The following MAMDC2 variants were observed in gnomAD, a reference collection of about 807,000 sequenced individuals.
MAMDC2 encodes the protein MAM domain-containing protein 2.
A neutral mutation model predicts 89.8 loss-of-function variants in MAMDC2; 57 were observed. That is an observed-to-expected ratio of 0.63 (90% CI 0.51 to 0.79). MAMDC2 has a LOEUF of 0.79. Among genes scored for constraint, MAMDC2 ranks in the 30% least tolerant of loss-of-function variants. MAMDC2 has a pLI of 0.00. For missense variants in MAMDC2, 800 were observed against 820.6 expected (o/e 0.97, Z 0.31); for synonymous variants, 313 against 293.4 (o/e 1.07, Z -0.68).
intron 7 of MAMDC2, among the ~76,000 whole-genome samples, chr9:70,137,476 T>C (rs1280684483): frequency 6.6e-6 from 1 of 152,166 alleles, no homozygotes; most frequent in Non-Finnish European, 1.5e-5. Flanking sequence ...ATTGCCCCAA[T>C]AACAACCTTT....
Position 70,226,873 on chromosome 9 carries a change from TTTTA to T in MAMDC2, c.*846_*849del, listed in dbSNP as rs2033646834. 6.6e-6 allele frequency: 1 copy of T among 152,148 alleles called. No homozygotes were observed. Among genetic ancestry groups the T allele is most frequent in the Non-Finnish European group, 1.5e-5 (1 of 67,954 alleles). 9.4% of individuals were successfully genotyped at this position (152,148 alleles called of 1,614,324 possible). A position where few individuals can be genotyped will look rare whatever the true frequency, so the allele number is the denominator to read the frequency against. On this transcript the variant is annotated 3_prime_UTR_variant, in exon 14 of 14. Coordinates refer to ENST00000377182, the MANE Select transcript of MAMDC2 (RefSeq NM_153267.5). ...AATTCAGGCAGATATACTAAACTGC[TTTTA>T]TTTACTTGTTTAGAAAATTGTATAT...
intron 2 of MAMDC2, among the ~76,000 whole-genome samples, chr9:70,085,208 G>A (rs903009535): frequency 3.3e-5 from 5 of 151,944 alleles, no homozygotes; most frequent in African/African-American, 9.7e-5. Flanking sequence ...TTGGGAAGAC[G>A]ATAACTCTCC....
At chr9:70,143,894 G>A (rs181685139) in intron 9 of MAMDC2, 75 bp downstream of exon 9, 2 of 1,525,624 alleles carry the variant, frequency 1.3e-6, no homozygotes, top group East Asian at 2.3e-5. Flanking sequence ...TCTAGCTACT[G>A]TCAACTGGTG....
intron 7 of MAMDC2, among the ~76,000 whole-genome samples, chr9:70,131,976 A>G (rs992634267): frequency 6.6e-6 from 1 of 152,206 alleles, no homozygotes; most frequent in African/African-American, 2.4e-5. Flanking sequence ...AGCTCTCACA[A>G]TCTACTGAAT....
intron 2 of MAMDC2, among the ~76,000 whole-genome samples, chr9:70,066,140 G>T (rs1827256526): frequency 6.6e-6 from 1 of 152,138 alleles, no homozygotes; most frequent in African/African-American, 2.4e-5. Context: ...AAGGAAGATT[G>T]GGGCAGTTCA....
At chr9:70,203,134 C>G (rs930864499) in intron 11 of MAMDC2, among the ~76,000 whole-genome samples, 2 of 150,670 alleles carry the variant, frequency 1.3e-5, no homozygotes, top group African/African-American at 4.8e-5. Context: ...TTAGTTGATG[C>G]AGTTTCTTCC....
At chr9:70,143,939 T>TGAA in intron 9 of MAMDC2, 120 bp downstream of exon 9, 1 of 1,199,696 alleles carries the variant, frequency 8.3e-7, no homozygotes, top group Non-Finnish European at 1.2e-6. Context: ...GCCTACGGCC[T>TGAA]CACCCTTACA....
At chr9:70,202,190 T>C (rs1003710692) in intron 11 of MAMDC2, among the ~76,000 whole-genome samples, 2 of 151,048 alleles carry the variant, frequency 1.3e-5, no homozygotes, top group African/African-American at 4.9e-5. Flanking sequence ...TGTGGGCATT[T>C]AGTGCTATAA....
chr9:70,212,437 A>C (rs2033374137), intron 11 of MAMDC2, among the ~76,000 whole-genome samples: 1 of 152,192 alleles, frequency 6.6e-6, no homozygotes, highest in Non-Finnish European at 1.5e-5. Context: ...CAGGCACGGG[A>C]TATAATCTCC....
chr9:70,059,115 G>C (rs1001413631), intron 2 of MAMDC2, among the ~76,000 whole-genome samples: 1 of 152,162 alleles, frequency 6.6e-6, no homozygotes, highest in African/African-American at 2.4e-5. Flanking sequence ...TTGCCTGCTT[G>C]GGTTTTGCAA....
intron 2 of MAMDC2, among the ~76,000 whole-genome samples, chr9:70,100,543 C>T (rs960591571): frequency 2.0e-5 from 3 of 152,190 alleles, no homozygotes; most frequent in Admixed American, 6.5e-5. Context: ...AAGCTCTAAA[C>T]AAAAGACAGA....
chr9:70,079,673 C>T (rs1476479938), intron 2 of MAMDC2, among the ~76,000 whole-genome samples: 5 of 152,274 alleles, frequency 3.3e-5, no homozygotes, highest in African/African-American at 1.2e-4. Context: ...AGGAAAATGG[C>T]TACTTGTTTA....
intron 11 of MAMDC2, among the ~76,000 whole-genome samples, chr9:70,207,075 T>A (rs1368343116): frequency 4.6e-5 from 7 of 152,258 alleles, no homozygotes; most frequent in Non-Finnish European, 1.0e-4. Flanking sequence ...TTGTGAATAG[T>A]GCTGAAATAA....
intron 11 of MAMDC2, among the ~76,000 whole-genome samples, chr9:70,187,440 TTAAA>T (rs2032781938): frequency 6.6e-6 from 1 of 152,170 alleles, no homozygotes; most frequent in African/African-American, 2.4e-5. Flanking sequence ...TTGTTCATTT[TTAAA>T]TAGTTTTGAG....
chr9:70,166,324 C>CAT (rs2032176974), intron 9 of MAMDC2, among the ~76,000 whole-genome samples: 2 of 147,816 alleles, frequency 1.4e-5, no homozygotes, highest in East Asian at 4.0e-4. Flanking sequence ...TATACATACA[C>CAT]ATATATATAC....
intron 2 of MAMDC2, among the ~76,000 whole-genome samples, chr9:70,064,396 G>A (rs1587437644): frequency 6.6e-6 from 1 of 152,154 alleles, no homozygotes; most frequent in East Asian, 1.9e-4. Flanking sequence ...CCATATGAAT[G>A]AGAATATACA....
At chr9:70,053,736 A>G (rs1447923077) in intron 2 of MAMDC2, among the ~76,000 whole-genome samples, 1 of 152,202 alleles carries the variant, frequency 6.6e-6, no homozygotes, top group African/African-American at 2.4e-5. Flanking sequence ...GTGTGACTTT[A>G]TCACTGGACA....
chr9:70,067,526 A>G lies in MAMDC2; in HGVS notation c.148+22829A>G, dbSNP rs148017834. Reference sequence around the variant, plus strand: ...ACACATTTTAGGAAAAAGGTTGCCCATATCCCTACCTTCAGCAAAGTTATC... The same window carrying G: ...ACACATTTTAGGAAAAAGGTTGCCCGTATCCCTACCTTCAGCAAAGTTATC... On this transcript the variant is annotated intron_variant, in intron 2 of 13. Transcript: ENST00000377182. 9.2e-5 allele frequency among the ~76,000 whole-genome samples: 14 copies of G among 152,344 alleles called. No individual in the cohort carries two copies. In the East Asian group the frequency reaches 2.5e-3, roughly 27 times the overall value.
At chr9:70,136,023 T>C (rs746206268) in intron 7 of MAMDC2, among the ~76,000 whole-genome samples, 2 of 152,070 alleles carry the variant, frequency 1.3e-5, no homozygotes, top group African/African-American at 2.4e-5. Flanking sequence ...TGGTGGTGCA[T>C]GCCTATGGTC....
Sources: gnomAD v4.1 joint callset for allele counts (sites outside exome capture counted in the v4.1 genomes callset) on GRCh38, gnomAD v4.1.1 for gene constraint, MANE v1.5 for transcripts, NCBI Gene and HGNC (gene_info 2026-07-23, HGNC 2026-07-21) for gene names.